Variants in ARHGAP17 observed in about 807,000 individuals in gnomAD.
ARHGAP17 encodes rho GTPase-activating protein 17.
Under a neutral mutation model 99.5 loss-of-function variants are expected in ARHGAP17, and 57 were observed. The ratio of observed to expected loss-of-function variants is 0.57; its 90% CI spans 0.46 to 0.71. ARHGAP17 has a LOEUF of 0.71. Among genes scored for constraint, ARHGAP17 ranks in the 30% least tolerant of loss-of-function variants. The probability of loss-of-function intolerance (pLI) is 0.00; values close to 1 mark genes in which losing one functional copy is unlikely to be tolerated. For synonymous variants in ARHGAP17, 417 were observed against 429.6 expected, an observed-to-expected ratio of 0.97 and a Z score of 0.36; for missense variants, 1,000 against 1,122.4, an observed-to-expected ratio of 0.89 and a Z score of 1.56.
intron 6 of ARHGAP17, among the ~76,000 whole-genome samples, chr16:24,966,346 G>A (rs2052179621): frequency 1.3e-5 from 2 of 151,966 alleles, no homozygotes; most frequent in Admixed American, 1.3e-4. Flanking sequence ...AAAATAAAAA[G>A]CTGGGGCTGG....
chr16:25,012,521 T>C (rs2053669244), intron 1 of ARHGAP17, among the ~76,000 whole-genome samples: 1 of 152,174 alleles, frequency 6.6e-6, no homozygotes. Flanking sequence ...AAAAAAACCC[T>C]TTGCTTTGTA....
In ARHGAP17 at chr16:24,943,760, G is replaced by A. The variant is rs757443247; in HGVS notation, c.1333+11C>T. 1.4e-5 allele frequency: 22 copies of A among 1,612,158 alleles called. No homozygotes were observed. The highest frequency in any genetic ancestry group is 1.8e-5 in the Non-Finnish European group (21 of 1,178,262). On this transcript the variant is annotated intron_variant, in intron 15 of 19. Coordinates refer to ENST00000289968, the MANE Select transcript of ARHGAP17 (RefSeq NM_001006634.3). ...TGCTTTGGCGGTCAATGAAACTGAA[G>A]TGAGAATTACCTTCAGGGAAGAACC...
intron 15 of ARHGAP17, among the ~76,000 whole-genome samples, chr16:24,942,397 GA>G (rs946195594): frequency 1.3e-5 from 2 of 151,682 alleles, no homozygotes; most frequent in Non-Finnish European, 2.9e-5. Context: ...CTCTTTTGTG[GA>G]AAAAAAATAA....
chr16:24,959,509 G>A (rs2051917396), intron 9 of ARHGAP17, among the ~76,000 whole-genome samples, 162 bp downstream of exon 9: 1 of 152,174 alleles, frequency 6.6e-6, no homozygotes, highest in African/African-American at 2.4e-5. Flanking sequence ...AGAAATTAGA[G>A]AATGCAGCAA....
chr16:24,959,707 A>G lies in ARHGAP17; in HGVS notation c.688T>C (p.Leu230=). The G allele has an allele frequency of 3.7e-6, 6 of 1,614,180 alleles. No homozygotes were observed. Among genetic ancestry groups the G allele is most frequent in the Non-Finnish European group, 5.1e-6 (6 of 1,180,036 alleles). The change falls in exon 9 of 20, where the codon TTA becomes CTA. Residue 230 remains leucine, a synonymous_variant. Transcript: ENST00000289968. ...CGCATTTCGGGGAGGGTCTTTTCTA[A>G]GACTGCTAATGCTTTTCTATGGTAA... ...ADYHRKALAV[L]EKTLPEMRAH... is the part of the protein sequence containing the mutation.
intron 1 of ARHGAP17, among the ~76,000 whole-genome samples, chr16:25,000,917 AG>A (rs2053343660): frequency 6.6e-6 from 1 of 152,230 alleles, no homozygotes; most frequent in South Asian, 2.1e-4. Context: ...ACACACTAAA[AG>A]TTGTGTGGTT....
chr16:24,943,124 G>C (rs1224245628), intron 15 of ARHGAP17, among the ~76,000 whole-genome samples: 1 of 152,178 alleles, frequency 6.6e-6, no homozygotes, highest in African/African-American at 2.4e-5. Flanking sequence ...TCCCCAAAGG[G>C]GGCCATGGGA....
intron 10 of ARHGAP17, among the ~76,000 whole-genome samples, chr16:24,953,754 C>A (rs996622110): frequency 6.6e-6 from 1 of 152,148 alleles, no homozygotes; most frequent in Non-Finnish European, 1.5e-5. Context: ...GCCTCTACTA[C>A]TAGATGACAG....
At chr16:25,001,816 G>A (rs1486784143) in intron 1 of ARHGAP17, among the ~76,000 whole-genome samples, 1 of 152,174 alleles carries the variant, frequency 6.6e-6, no homozygotes, top group Non-Finnish European at 1.5e-5. Flanking sequence ...AGGTGCAGTG[G>A]CTCATGCCTG....
rs773902428 is a variant in ARHGAP17, at chr16:24,970,507, C to T, written c.272G>A (p.Gly91Glu). ...ASTQLEDSLL[G>E]KMLETCGDAE... ...GCACTCTGAAGGCAGCAACTCTTACCCCAGGAGAGAGTCTTCCAGCTGAGT... is the reference window on the plus strand; with the variant it reads ...GCACTCTGAAGGCAGCAACTCTTACTCCAGGAGAGAGTCTTCCAGCTGAGT... Residue 91 changes from glycine to glutamate, a missense_variant and splice_region_variant, in exon 4 of 20, where the codon GGG becomes GAG. Physicochemically the swap from Gly to Glu is moderately conservative, Grantham distance 98. Transcript: ENST00000289968. The T allele has an allele frequency of 6.2e-7, 1 of 1,614,000 alleles. No individual in the cohort carries two copies. Among genetic ancestry groups the T allele is most frequent in the Non-Finnish European group, 8.5e-7 (1 of 1,179,886 alleles).
At chr16:24,927,999 C>G (rs1225643374) in intron 19 of ARHGAP17, among the ~76,000 whole-genome samples, 1 of 152,206 alleles carries the variant, frequency 6.6e-6, no homozygotes, top group African/African-American at 2.4e-5. Flanking sequence ...CTTAACCCAA[C>G]TCTTTAAAAC....
chr16:24,975,090 T>G (rs1192263198), intron 3 of ARHGAP17, among the ~76,000 whole-genome samples: 1 of 152,182 alleles, frequency 6.6e-6, no homozygotes, highest in Non-Finnish European at 1.5e-5. Flanking sequence ...GAGGTTAATG[T>G]TGCAATGGGC....
intron 12 of ARHGAP17, 101 bp downstream of exon 12, chr16:24,952,182 TACGCTA>T: frequency 1.4e-6 from 1 of 732,382 alleles, no homozygotes; most frequent in South Asian, 2.1e-5. Flanking sequence ...ATTTAACAAA[TACGCTA>T]TTTTAATCTT....
At chr16:24,979,861 C>A (rs1259914479) in intron 1 of ARHGAP17, among the ~76,000 whole-genome samples, 1 of 152,128 alleles carries the variant, frequency 6.6e-6, no homozygotes, top group East Asian at 1.9e-4. Context: ...TAGGCACGTG[C>A]CACTTCGCCC....
intron 16 of ARHGAP17, among the ~76,000 whole-genome samples, chr16:24,941,154 A>G (rs2051301340): frequency 6.6e-6 from 1 of 152,242 alleles, no homozygotes; most frequent in Admixed American, 6.5e-5. Context: ...TGCAATACAA[A>G]GAACAAGAAA....
chr16:24,983,233 G>A (rs1268125016), intron 1 of ARHGAP17, among the ~76,000 whole-genome samples: 2 of 151,394 alleles, frequency 1.3e-5, no homozygotes, highest in African/African-American at 4.9e-5. Flanking sequence ...TCAAATTCCT[G>A]AGCTCAAGCG....
chr16:24,989,577 G>GT (rs1329254475), intron 1 of ARHGAP17, among the ~76,000 whole-genome samples: 2 of 151,972 alleles, frequency 1.3e-5, no homozygotes, highest in African/African-American at 4.8e-5. Context: ...AAGTAGATGA[G>GT]TGGTTGGCTT....
chr16:24,990,288 C>T (rs2052999353), intron 1 of ARHGAP17, among the ~76,000 whole-genome samples: 1 of 152,118 alleles, frequency 6.6e-6, no homozygotes, highest in African/African-American at 2.4e-5. Context: ...AGTTCAAGAC[C>T]AGCCTGGGCA....
rs763321385 is a variant in ARHGAP17 at position 24,930,864 on chromosome 16, G to C, written c.2435C>G (p.Pro812Arg). ...KPRNRPSVPP[P>R]PQPPGVHSAG... Reference sequence around the variant, plus strand: ...TGAGTGGACACCAGGAGGTTGGGGGGGTGGGGGCACGCTGGGCCGGTTCCT... The same window carrying C: ...TGAGTGGACACCAGGAGGTTGGGGGCGTGGGGGCACGCTGGGCCGGTTCCT... The change falls in exon 19 of 20, where the codon CCC becomes CGC. Residue 812 changes from proline to arginine, a missense_variant. Coordinates refer to ENST00000289968, the MANE Select transcript of ARHGAP17 (RefSeq NM_001006634.3). 1.9e-5 allele frequency: 30 copies of C among 1,614,030 alleles called. No homozygotes were observed. Among genetic ancestry groups the C allele is most frequent in the Non-Finnish European group, 2.3e-5 (27 of 1,180,000 alleles).
Sources: gnomAD v4.1 joint callset for allele counts (sites outside exome capture counted in the v4.1 genomes callset) on GRCh38, gnomAD v4.1.1 for gene constraint, MANE v1.5 for transcripts, NCBI Gene and HGNC (gene_info 2026-07-23, HGNC 2026-07-21) for gene names.